SPNS1: variants seen among roughly 807,000 people sequenced by gnomAD.
The protein encoded by SPNS1 is SPNS lysolipid transporter 1, lysophospholipid, also known as protein spinster homolog 1.
A neutral mutation model predicts 50.3 loss-of-function variants in SPNS1; 22 were observed. That is an observed-to-expected ratio of 0.44 (90% CI 0.31 to 0.62). The LOEUF (loss-of-function observed/expected upper bound fraction) is 0.62. Ranked by LOEUF, SPNS1 falls within the 20% of genes least tolerant of loss-of-function variation. SPNS1 has a pLI of 0.07. For missense variants in SPNS1, 576 were observed against 728.6 expected (o/e 0.79, Z 2.41); for synonymous variants, 295 against 317.4 (o/e 0.93, Z 0.75).
intron 2 of SPNS1, 28 bp from the exon 3 acceptor site, chr16:28,977,880 T>G: frequency 1.2e-6 from 2 of 1,611,098 alleles, no homozygotes; most frequent in African/African-American, 2.7e-5. Flanking sequence ...GTACCTGGGC[T>G]GAGCTGTGAC....
rs777107125 is a variant in SPNS1 at position 28,978,073 on chromosome 16, G to GC, written c.444+32dup. 6.2e-6 allele frequency: 10 copies of GC among 1,605,752 alleles called. No homozygotes were observed. In the South Asian group the frequency reaches 1.0e-4, roughly 16 times the overall value. On this transcript the variant is annotated intron_variant, in intron 3 of 11. Coordinates refer to ENST00000311008, the MANE Select transcript of SPNS1 (RefSeq NM_032038.3). ...AGGCCCCAAGCTGGCTCCTGTTTCT[G>GC]CCCACACCCCCTCCCTGTCAGTCTC...
At chr16:28,976,654 C>T (rs1197089167) in intron 2 of SPNS1, among the ~76,000 whole-genome samples, 3 of 152,156 alleles carry the variant, frequency 2.0e-5, no homozygotes, top group African/African-American at 7.2e-5. Flanking sequence ...GGAGGCGGAA[C>T]AGGAATTTGA....
At position 28,981,235 on chromosome 16, in the gene SPNS1, T is replaced by C. The variant is rs1221604646; in HGVS notation, c.664-235T>C. Among the ~76,000 whole-genome samples, 2 of 152,084 alleles carry C rather than the reference T, an allele frequency of 1.3e-5. No homozygotes were observed. Among genetic ancestry groups the C allele is most frequent in the African/African-American group, 4.8e-5 (2 of 41,388 alleles). ...CCAAGTGGATTGAGAGAAGTAGGGGTACTGGTTTCCCAAAAGAAAATTACC... is the reference window on the plus strand; with the variant it reads ...CCAAGTGGATTGAGAGAAGTAGGGGCACTGGTTTCCCAAAAGAAAATTACC... On this transcript the variant is annotated intron_variant, in intron 5 of 11. Transcript: ENST00000311008. The surrounding 1 kb of genome is among the most constrained non-coding windows in gnomAD (Gnocchi z 4.2).
At position 28,983,214 on chromosome 16, in the gene SPNS1, G is replaced by A; in HGVS notation, c.1244G>A (p.Arg415His). The A allele has an allele frequency of 1.2e-6, 2 of 1,613,890 alleles. No homozygotes were observed. Among genetic ancestry groups the A allele is most frequent in the Non-Finnish European group, 1.7e-6 (2 of 1,179,882 alleles). The change falls in exon 10 of 12, where the codon CGC (arginine) becomes CAC (histidine). Residue 415 changes from arginine (R) to histidine (H), a missense_variant. Physicochemically the swap from Arg to His is conservative, Grantham distance 29. Around this residue, in one of 3 missense-constraint regions of SPNS1, gnomAD observed 428 missense variants for 520.1 expected, o/e 0.82. Coordinates refer to ENST00000311008, the MANE Select transcript of SPNS1 (RefSeq NM_032038.3). The surrounding 1 kb of genome is among the most constrained non-coding windows in gnomAD (Gnocchi z 5.4). ...ILLYVVIPTR[R>H]STAEAFQIVL... is the part of the protein sequence containing the mutation. The stretch of plus-strand genomic sequence containing the variant: ...CAGTACGTGGTGATCCCTACCCGAC[G>A]CTCCACCGCCGAGGCCTTCCAGATC...
Position 28,975,096 on chromosome 16 carries a change from C to A in SPNS1, c.-56C>A. Reference sequence around the variant, plus strand: ...CCTCCTTTCTCCAGCCTCCTCCCCTCGCAGGTGGGATCGTCGGTGGGACCG... The same window carrying A: ...CCTCCTTTCTCCAGCCTCCTCCCCTAGCAGGTGGGATCGTCGGTGGGACCG... On this transcript the variant is annotated 5_prime_UTR_variant, in exon 1 of 12. Coordinates refer to ENST00000311008, the MANE Select transcript of SPNS1 (RefSeq NM_032038.3). The A allele has an allele frequency of 2.1e-6, 3 of 1,449,916 alleles. No homozygotes were observed. The highest frequency in any genetic ancestry group is 2.7e-6 in the Non-Finnish European group (3 of 1,105,960). 89.8% of individuals were successfully genotyped at this position (1,449,916 alleles called of 1,614,324 possible). A position where few individuals can be genotyped will look rare whatever the true frequency, so the allele number is the denominator to read the frequency against.
chr16:28,982,386 C>T lies in SPNS1; in HGVS notation c.996C>T (p.Thr332=), dbSNP rs374685580. 29 of 1,604,762 alleles carry T rather than the reference C, an allele frequency of 1.8e-5. No individual in the cohort carries two copies. The highest frequency in any genetic ancestry group is 4.0e-5 in the African/African-American group (3 of 74,754). Residue 332 remains threonine (T), a synonymous_variant, in exon 8 of 12, where the codon ACC becomes ACT. Transcript: ENST00000311008. ...SLIFGLITCL[T]GVLGVGLGVE... ...TCTTTGGACTCATCACCTGCCTGAC[C>T]GGAGTCCTGGGTGTGGGCCTGGGTG...
chr16:28,977,272 G>A (rs960637564), intron 2 of SPNS1, among the ~76,000 whole-genome samples: 5 of 147,550 alleles, frequency 3.4e-5, no homozygotes, highest in South Asian at 2.1e-4. Context: ...CTGAGATCGC[G>A]CCACAGCACT....
In SPNS1 at chr16:28,979,237, C is replaced by T. The variant is rs773161650; in HGVS notation, c.527C>T (p.Ala176Val). The T allele has an allele frequency of 1.2e-6, 2 of 1,614,218 alleles. No homozygotes were observed. Among genetic ancestry groups the T allele is most frequent in the Non-Finnish European group, 8.5e-7 (1 of 1,180,040 alleles). The change falls in exon 4 of 12, where the codon GCC becomes GTC. Residue 176 changes from alanine to valine, a missense_variant. Ala to Val is a moderately conservative substitution (Grantham distance 64). Around this residue, in one of 3 missense-constraint regions of SPNS1, gnomAD observed 428 missense variants for 520.1 expected, o/e 0.82. Transcript: ENST00000311008. ...SYSTIAPTLIADLFVADQRSR... is the reference protein window; with the variant it reads ...SYSTIAPTLIVDLFVADQRSR... ...TCCACCATCGCGCCCACTCTCATTG[C>T]CGACCTCTTTGTGGCCGACCAGCGG...
In SPNS1 at chr16:28,982,014, C is replaced by T; in HGVS notation, c.923C>T (p.Thr308Ile). The change falls in exon 7 of 12, where the codon ACC becomes ATC. Residue 308 changes from threonine to isoleucine, a missense_variant. Thr to Ile is a moderately conservative substitution (Grantham distance 89, BLOSUM62 -1). Transcript: ENST00000311008. ...CGTTCCCGCGTGGTCCTTGGGGAGA[C>T]CCCACCCTGCCTTCCCGGAGACTCC... ...LLRSRVVLGE[T>I]PPCLPGDSCS... 1 of 1,614,172 alleles carries T rather than the reference C, an allele frequency of 6.2e-7. No individual in the cohort carries two copies.
In SPNS1 at chr16:28,984,237, C is replaced by G. The variant is rs747563842; in HGVS notation, c.1525C>G (p.Arg509Gly). The G allele has an allele frequency of 6.2e-7, 1 of 1,605,390 alleles. No homozygotes were observed. ...LLHEAGSTDD[R>G]IVVPQRGRST... ...GCACGAAGCAGGGTCCACAGACGAC[C>G]GGATTGTGGTGCCCCAGCGGGGCCG... is the stretch of plus-strand genomic sequence containing the variant. The change falls in exon 12 of 12, where the codon CGG (arginine) becomes GGG (glycine). Residue 509 changes from arginine (R) to glycine (G), a missense_variant. By Grantham distance (125) the Arg-to-Gly change is moderately radical. Coordinates refer to ENST00000311008, the MANE Select transcript of SPNS1 (RefSeq NM_032038.3).
Position 28,979,104 on chromosome 16 carries a change from G to T in SPNS1, c.445-51G>T, listed in dbSNP as rs150382010. 3.0e-4 allele frequency: 474 copies of T among 1,586,888 alleles called. 2 individuals carry two copies. In the African/African-American group the frequency reaches 5.5e-3, roughly 18 times the overall value. On this transcript the variant is annotated intron_variant, in intron 3 of 11. Transcript: ENST00000311008. ...TGGGAGCGGGCTGGTGAGGTAGCCC[G>T]GAGGCTGGTTGCAGGCTGGGGTGCC...
Position 28,984,479 on chromosome 16 carries a change from C to T in SPNS1, c.*180C>T. ...GAGGTGGGGGTCCAGGAGGGGGATC[C>T]CTCTCCACAGGGGCAGCCCCAAGGG... is the stretch of plus-strand genomic sequence containing the variant. On this transcript the variant is annotated 3_prime_UTR_variant, in exon 12 of 12. Transcript: ENST00000311008. The T allele has an allele frequency of 1.4e-6, 1 of 722,406 alleles. No individual in the cohort carries two copies. Among genetic ancestry groups the T allele is most frequent in the Non-Finnish European group, 2.5e-6 (1 of 405,744 alleles). The allele number at this position is 722,406 out of a possible 1,614,324, so 44.7% of individuals were successfully genotyped here.
chr16:28,978,106 G>GGGA lies in SPNS1; in HGVS notation c.444+62_444+63insGGA, dbSNP rs2141666195. The GGGA allele has an allele frequency of 1.9e-6, 3 of 1,575,866 alleles. No individual in the cohort carries two copies. In the African/African-American group the frequency reaches 4.0e-5, roughly 21 times the overall value. On this transcript the variant is annotated intron_variant, in intron 3 of 11. Coordinates refer to ENST00000311008, the MANE Select transcript of SPNS1 (RefSeq NM_032038.3). ...CCCCTCCCTGTCAGTCTCTGCTGCT[G>GGGA]CTCCTTGGAGCTATGGCAGACTGGG...
In SPNS1 at chr16:28,983,942, C is replaced by T; in HGVS notation, c.1477C>T (p.Gln493Ter). 3.1e-6 allele frequency: 5 copies of T among 1,589,322 alleles called. No homozygotes were observed. Among genetic ancestry groups the T allele is most frequent in the Non-Finnish European group, 4.3e-6 (5 of 1,174,014 alleles). ...IFIEADRRRA[Q>*]LHVQGLLHEA... is the part of the protein sequence containing the mutation. ...CATTGAGGCCGACCGCCGGCGGGCACAGCTGCACGTGCAGGGTCAGTTAGG... is the reference window on the plus strand; with the variant it reads ...CATTGAGGCCGACCGCCGGCGGGCATAGCTGCACGTGCAGGGTCAGTTAGG... The change falls in exon 11 of 12, where the codon CAG becomes TAG. Residue 493 changes from glutamine (Q) to a stop codon, truncating the protein, a stop_gained. Coordinates refer to ENST00000311008, the MANE Select transcript of SPNS1 (RefSeq NM_032038.3). LOFTEE classifies it high-confidence loss of function. The surrounding 1 kb of genome is among the most constrained non-coding windows in gnomAD (Gnocchi z 5.4).
At position 28,984,484 on chromosome 16, in the gene SPNS1, C is replaced by T. The variant is rs1321552488; in HGVS notation, c.*185C>T. The T allele has an allele frequency of 1.3e-5, 9 of 711,148 alleles. No homozygotes were observed. The highest frequency in any genetic ancestry group is 2.3e-5 in the Non-Finnish European group (9 of 397,254). The allele number at this position is 711,148 out of a possible 1,614,324, so 44.1% of individuals were successfully genotyped here. A position where few individuals can be genotyped will look rare whatever the true frequency, so the allele number is the denominator to read the frequency against. On this transcript the variant is annotated 3_prime_UTR_variant, in exon 12 of 12. Transcript: ENST00000311008. ...GGGGGTCCAGGAGGGGGATCCCTCT[C>T]CACAGGGGCAGCCCCAAGGGCTCGG...
At chr16:28,975,764 A>T (rs1002854468) in intron 2 of SPNS1, among the ~76,000 whole-genome samples, 1 of 152,242 alleles carries the variant, frequency 6.6e-6, no homozygotes, top group East Asian at 1.9e-4. Flanking sequence ...AACTTCACCC[A>T]GGTGAAGACA....
At chr16:28,975,617 G>C in intron 2 of SPNS1, 60 bp downstream of exon 2, 1 of 1,592,046 alleles carries the variant, frequency 6.3e-7, no homozygotes, top group Non-Finnish European at 8.6e-7. Flanking sequence ...TCTCAAGTGG[G>C]GCCACGCGCT....
chr16:28,983,793 A>G lies in SPNS1; in HGVS notation c.1328A>G (p.Asp443Gly), dbSNP rs1449858416. 1.3e-6 allele frequency: 2 copies of G among 1,589,692 alleles called. No individual in the cohort carries two copies. The highest frequency in any genetic ancestry group is 8.5e-7 in the Non-Finnish European group (1 of 1,169,896). The change falls in exon 11 of 12, where the codon GAC becomes GGC. Residue 443 changes from aspartate to glycine, a missense_variant. Coordinates refer to ENST00000311008, the MANE Select transcript of SPNS1 (RefSeq NM_032038.3). The surrounding 1 kb of genome is among the most constrained non-coding windows in gnomAD (Gnocchi z 5.4). ...TGTCTCCTCTCCCTGCAGATCTCTG[A>G]CCGCCTGCGCCGGAACTGGCCCCCC... ...GSPYLIGLIS[D>G]RLRRNWPPSF...
At chr16:28,984,662 T>G, downstream of SPNS1, 1 of 636,940 alleles carries the variant, frequency 1.6e-6, no homozygotes. Context: ...TCTCTGCCCT[T>G]CTGGGCTGGG....
Sources: allele counts gnomAD v4.1 joint callset (sites outside exome capture counted in the v4.1 genomes callset), GRCh38; gene constraint gnomAD v4.1.1; regional missense constraint gnomAD v4.1.1; non-coding constraint Gnocchi (gnomAD v3.1); transcripts MANE v1.5; gene names NCBI Gene and HGNC (gene_info 2026-07-23, HGNC 2026-07-21).